DPP9: variants seen among roughly 807,000 people sequenced by gnomAD.
DPP9 encodes the protein dipeptidyl peptidase 9.
Under a neutral mutation model 110.7 loss-of-function variants are expected in DPP9, and 50 were observed. That is an observed-to-expected ratio of 0.45 (90% CI 0.36 to 0.57). DPP9 has a LOEUF of 0.57. Ranked by LOEUF, DPP9 falls within the 20% of genes least tolerant of loss-of-function variation. DPP9 has a pLI of 0.00. For missense variants in DPP9, 1,022 were observed against 1,217.9 expected (o/e 0.84, Z 2.39); for synonymous variants, 561 against 514.4 (o/e 1.09, Z -1.23).
intron 13 of DPP9, among the ~76,000 whole-genome samples, chr19:4,691,670 C>CTTTT (rs1006998596): frequency 1.8e-4 from 17 of 95,106 alleles, no homozygotes; most frequent in East Asian, 9.0e-4. Flanking sequence ...TAAAACCAGA[C>CTTTT]TTTTTTTTTT....
intron 20 of DPP9, among the ~76,000 whole-genome samples, 166 bp from the exon 21 acceptor site, chr19:4,680,112 C>CTGAAATCGCAGCTACT (rs1486781913): frequency 6.6e-6 from 1 of 151,876 alleles, no homozygotes; most frequent in Non-Finnish European, 1.5e-5. Flanking sequence ...TGGCAGGTGC[C>CTGAAATCGCAGCTACT]TGAAATCGCA....
Position 4,689,532 on chromosome 19 carries a change from C to T in DPP9, c.1749+38G>A, listed in dbSNP as rs371147031. 36 of 1,534,816 alleles carry T rather than the reference C, an allele frequency of 2.3e-5. No individual in the cohort carries two copies. In the East Asian group the frequency reaches 4.9e-4, roughly 21 times the overall value. ...ACTGCTCTGGCTGGGAGCTGTTGGA[C>T]GGGCACAGGGCGGTGCCGTGAGGCT... On this transcript the variant is annotated intron_variant, in intron 15 of 21. Transcript: ENST00000262960. The surrounding 1 kb of genome is among the most constrained non-coding windows in gnomAD (Gnocchi z 7.0).
chr19:4,695,246 G>C lies in DPP9; in HGVS notation c.1353+132C>G, dbSNP rs1340331246. The C allele has an allele frequency of 1.9e-6, 2 of 1,030,178 alleles. No homozygotes were observed. The highest frequency in any genetic ancestry group is 2.7e-6 in the Non-Finnish European group (2 of 729,600). The allele number at this position is 1,030,178 out of a possible 1,614,324, so 63.8% of individuals were successfully genotyped here. A position where few individuals can be genotyped will look rare whatever the true frequency, so the allele number is the denominator to read the frequency against. On this transcript the variant is annotated intron_variant, in intron 12 of 21. Transcript: ENST00000262960. This position sits in a 1 kb window ranked among gnomAD's most constrained non-coding sequence, Gnocchi z 4.7. ...TTCCCTGCCAGCCAGGGATGGCCAA[G>C]GCCTGAGCTCACTTCTCCACACAAG...
rs1047797987 is a variant in DPP9 at position 4,718,093 on chromosome 19, A to AT, written c.56+1757dup. 3.3e-5 allele frequency among the ~76,000 whole-genome samples: 5 copies of AT among 151,820 alleles called. No individual in the cohort carries two copies. The highest frequency in any genetic ancestry group is 1.2e-4 in the African/African-American group (5 of 41,294). ...CTGTGATCTCCTTTTTAAATTTTTC[A>AT]TTTTTTTTAAGAGATGGGGTCTTGC... On this transcript the variant is annotated intron_variant, in intron 3 of 21. Transcript: ENST00000262960. This position sits in a 1 kb window ranked among gnomAD's most constrained non-coding sequence, Gnocchi z 4.3.
rs368225020 is a variant in DPP9 at position 4,676,695 on chromosome 19, G to A, written c.2587-39C>T. 13 of 1,527,956 alleles carry A rather than the reference G, an allele frequency of 8.5e-6. No individual in the cohort carries two copies. Among genetic ancestry groups the A allele is most frequent in the South Asian group, 1.2e-5 (1 of 84,778 alleles). The allele number at this position is 1,527,956 out of a possible 1,614,324, so 94.6% of individuals were successfully genotyped here. A position where few individuals can be genotyped will look rare whatever the true frequency, so the allele number is the denominator to read the frequency against. ...GGAGGCAGGGCTGGGGGGCGTGGCC[G>A]GACCACCCCCGTGTCCTAGGCTCCT... On this transcript the variant is annotated intron_variant, in intron 21 of 21. Transcript: ENST00000262960. This position sits in a 1 kb window ranked among gnomAD's most constrained non-coding sequence, Gnocchi z 4.0.
rs766011343 is a variant in DPP9 at position 4,694,591 on chromosome 19, G to C, written c.1516+70C>G. The C allele has an allele frequency of 6.5e-7, 1 of 1,541,816 alleles. No individual in the cohort carries two copies. The highest frequency in any genetic ancestry group is 1.4e-5 in the African/African-American group (1 of 73,366). On this transcript the variant is annotated intron_variant, in intron 13 of 21. Transcript: ENST00000262960. This position sits in a 1 kb window ranked among gnomAD's most constrained non-coding sequence, Gnocchi z 4.0. ...TGGCTGAGTGGGGGGGCCGACCAAT[G>C]AACAAACAGCATATTGAACCACACG... is the stretch of plus-strand genomic sequence containing the variant.
chr19:4,690,652 G>A (rs2091229232), intron 14 of DPP9, among the ~76,000 whole-genome samples: 1 of 152,204 alleles, frequency 6.6e-6, no homozygotes, highest in Non-Finnish European at 1.5e-5. Context: ...AAGATGAGAC[G>A]GGGAGGTGAT....
Position 4,703,775 on chromosome 19 carries a change from G to A in DPP9, c.769+111C>T, listed in dbSNP as rs575354373. On this transcript the variant is annotated intron_variant, in intron 7 of 21. Transcript: ENST00000262960. Reference sequence around the variant, plus strand: ...GGCTACAGAAGGTATGCACGGGAGGGTGGCTTGTGAGGGGTGTGTGCAGGA... The same window carrying A: ...GGCTACAGAAGGTATGCACGGGAGGATGGCTTGTGAGGGGTGTGTGCAGGA... The A allele has an allele frequency of 5.9e-6, 7 of 1,181,202 alleles. No homozygotes were observed. The South Asian group carries it at 8.8e-5, about 15-fold the overall frequency. 73.2% of individuals were successfully genotyped at this position (1,181,202 alleles called of 1,614,324 possible).
chr19:4,675,768 CTTTTATT>C lies in DPP9; in HGVS notation c.*789_*795del, dbSNP rs1415906091. 6.6e-6 allele frequency: 1 copy of C among 152,306 alleles called. No individual in the cohort carries two copies. The highest frequency in any genetic ancestry group is 6.5e-5 in the Admixed American group (1 of 15,284). 9.4% of individuals were successfully genotyped at this position (152,306 alleles called of 1,614,324 possible). A position where few individuals can be genotyped will look rare whatever the true frequency, so the allele number is the denominator to read the frequency against. The stretch of plus-strand genomic sequence containing the variant: ...GATTTAGGCACCCCTTGCTTTCTGT[CTTTTATT>C]TTTTATTTATTTTGAGACAGAGTTT... On this transcript the variant is annotated 3_prime_UTR_variant, in exon 22 of 22. Transcript: ENST00000262960.
intron 7 of DPP9, 119 bp from the exon 8 acceptor site, chr19:4,702,835 G>GGAGAGGGGGA (rs1315140751): frequency 1.5e-5 from 1 of 67,428 alleles, no homozygotes; most frequent in Non-Finnish European, 2.9e-5. Flanking sequence ...GGAAAGGGAA[G>GGAGAGGGGGA]GAGAGGGGGA....
rs550679321 is a variant in DPP9 at position 4,691,008 on chromosome 19, C to T, written c.1517-51G>A. 80 of 1,466,012 alleles carry T rather than the reference C, an allele frequency of 5.5e-5. No individual in the cohort carries two copies. In the East Asian group the frequency reaches 8.5e-4, roughly 16 times the overall value. The allele number at this position is 1,466,012 out of a possible 1,614,324, so 90.8% of individuals were successfully genotyped here. On this transcript the variant is annotated intron_variant, in intron 13 of 21. Transcript: ENST00000262960. ...GAAGGGGCCTGGGAGGTGATGCAGG[C>T]GCCCAAAGGCACCCAGGCCAAATTC...
intron 4 of DPP9, among the ~76,000 whole-genome samples, chr19:4,707,150 C>T (rs1398890755): frequency 1.3e-5 from 2 of 152,188 alleles, no homozygotes; most frequent in African/African-American, 4.8e-5. Flanking sequence ...ACGTAAAGCT[C>T]TCGGCACAAT....
intron 9 of DPP9, among the ~76,000 whole-genome samples, chr19:4,701,452 G>A (rs1489381486): frequency 6.6e-6 from 1 of 152,136 alleles, no homozygotes; most frequent in African/African-American, 2.4e-5. Context: ...TGAGCCACAA[G>A]GTGAAACCTT....
At chr19:4,707,614 CTTTTTTTTTTTTT>C (rs906371157) in intron 4 of DPP9, among the ~76,000 whole-genome samples, 11 of 78,430 alleles carry the variant, frequency 1.4e-4, no homozygotes, top group South Asian at 4.6e-4. Context: ...CTCATACTCG[CTTTTTTTTTTTTT>C]TTTTTTTTTT....
intron 4 of DPP9, among the ~76,000 whole-genome samples, chr19:4,707,488 AACG>A (rs2145808561): frequency 1.3e-5 from 2 of 152,232 alleles, no homozygotes; most frequent in East Asian, 3.9e-4. Flanking sequence ...TGACATGACT[AACG>A]ACAAGTCACA....
intron 21 of DPP9, chr19:4,679,277 C>A (rs983678078): frequency 6.7e-6 from 1 of 149,392 alleles, no homozygotes; most frequent in African/African-American, 2.5e-5. Flanking sequence ...CATAACCATG[C>A]CCACCCCTTA....
rs1281581336 is a variant in DPP9 at position 4,700,336 on chromosome 19, C to T, written c.1013-59G>A. On this transcript the variant is annotated intron_variant, in intron 9 of 21. Coordinates refer to ENST00000262960, the MANE Select transcript of DPP9 (RefSeq NM_139159.5). The surrounding 1 kb of genome is among the most constrained non-coding windows in gnomAD (Gnocchi z 4.3). ...GGCATCACCCGTGTGTGCCGAGAGC[C>T]GGCACGGGGGGCCTGGGCTGTGGGG... The T allele has an allele frequency of 1.2e-5, 17 of 1,457,844 alleles. No individual in the cohort carries two copies. The highest frequency in any genetic ancestry group is 2.8e-5 in the African/African-American group (2 of 71,624). 90.3% of individuals were successfully genotyped at this position (1,457,844 alleles called of 1,614,324 possible). A position where few individuals can be genotyped will look rare whatever the true frequency, so the allele number is the denominator to read the frequency against.
rs572311355 is a variant in DPP9 at position 4,690,397 on chromosome 19, C to T, written c.1596+481G>A. Among the ~76,000 whole-genome samples the T allele has an allele frequency of 7.2e-5, 11 of 152,338 alleles. No homozygotes were observed. The South Asian group carries it at 2.3e-3, about 32-fold the overall frequency. On this transcript the variant is annotated intron_variant, in intron 14 of 21. Transcript: ENST00000262960. Reference sequence around the variant, plus strand: ...CCAGGGCCTGAGAGGCCGGTGGAGGCAGCTGGAGCGTGGGGTGACCAGGGA... The same window carrying T: ...CCAGGGCCTGAGAGGCCGGTGGAGGTAGCTGGAGCGTGGGGTGACCAGGGA...
chr19:4,682,785 G>A lies in DPP9; in HGVS notation c.2385C>T (p.Tyr795=). ...CAGGGACGTCCATGTAGCGCTCAGT[G>A]TACCCTGTGTCGTAGGCCATCCAGA... The part of the protein sequence containing the change: ...VTVWMAYDTG[Y]TERYMDVPEN... Residue 795 remains tyrosine, a synonymous_variant, in exon 20 of 22, where the codon TAC becomes TAT. Transcript: ENST00000262960. The surrounding 1 kb of genome is among the most constrained non-coding windows in gnomAD (Gnocchi z 7.1). 1 of 1,601,100 alleles carries A rather than the reference G, an allele frequency of 6.2e-7. No homozygotes were observed. The highest frequency in any genetic ancestry group is 8.5e-7 in the Non-Finnish European group (1 of 1,174,250).
Sources: gnomAD v4.1 joint callset for allele counts (sites outside exome capture counted in the v4.1 genomes callset) on GRCh38, gnomAD v4.1.1 for gene constraint, Gnocchi (gnomAD v3.1) non-coding constraint, MANE v1.5 for transcripts, NCBI Gene and HGNC (gene_info 2026-07-23, HGNC 2026-07-21) for gene names.